Variants in KHDRBS2 observed in about 807,000 individuals in gnomAD.
The protein encoded by KHDRBS2 is KH RNA binding domain containing, signal transduction associated 2, also known as KH domain-containing, RNA-binding, signal transduction-associated protein 2.
A neutral mutation model predicts 44.3 loss-of-function variants in KHDRBS2; 26 were observed. The ratio of observed to expected loss-of-function variants is 0.59; its 90% CI spans 0.43 to 0.81. The LOEUF is 0.81. Ranked by LOEUF, KHDRBS2 falls within the 40% of genes least tolerant of loss-of-function variation. The pLI is 0.00. For synonymous variants in KHDRBS2, 194 were observed against 151.1 expected (o/e 1.28, Z -2.08); for missense variants, 476 against 433.1 (o/e 1.10, Z -0.88).
intron 6 of KHDRBS2, among the ~76,000 whole-genome samples, chr6:61,881,168 C>T (rs1393298057): frequency 6.6e-6 from 1 of 151,886 alleles, no homozygotes; most frequent in Non-Finnish European, 1.5e-5. Context: ...AACCTCAGAT[C>T]CACATGGGTG....
intron 3 of KHDRBS2, among the ~76,000 whole-genome samples, chr6:62,013,387 C>A (rs1400179341): frequency 6.6e-6 from 1 of 151,894 alleles, no homozygotes; most frequent in Non-Finnish European, 1.5e-5. Context: ...TTAAATGTAT[C>A]AATTAAAATT....
At chr6:62,064,185 T>C (rs371114269) in intron 2 of KHDRBS2, among the ~76,000 whole-genome samples, 3 of 112,648 alleles carry the variant, frequency 2.7e-5, no homozygotes, top group Non-Finnish European at 5.9e-5. Flanking sequence ...GAATCAATAT[T>C]GTGAAAATGG....
chr6:61,611,245 T>A, the KHDRBS2 span, among the ~76,000 whole-genome samples: 1 of 152,336 alleles, frequency 6.6e-6, no homozygotes, highest in South Asian at 2.1e-4. Flanking sequence ...TATAGTCATT[T>A]ACCAATCTGT....
At chr6:61,635,636 A>G in the KHDRBS2 span, among the ~76,000 whole-genome samples, 2 of 152,040 alleles carry the variant, frequency 1.3e-5, no homozygotes, top group African/African-American at 4.8e-5. Flanking sequence ...TAGGCTTTTT[A>G]ATAATTATTT....
chr6:62,106,591 C>G (rs536037075), intron 2 of KHDRBS2, among the ~76,000 whole-genome samples: 162 of 152,178 alleles, frequency 1.1e-3, no homozygotes, highest in Middle Eastern at 3.4e-3. Flanking sequence ...AGAGGGAATC[C>G]TCCCTAACTC....
the KHDRBS2 span, among the ~76,000 whole-genome samples, chr6:61,671,052 G>A: frequency 1.3e-5 from 2 of 151,616 alleles, no homozygotes; most frequent in African/African-American, 4.8e-5. Flanking sequence ...TGACATTACA[G>A]TAGTTGAAAA....
At chr6:62,014,531 G>C (rs1259618724) in intron 3 of KHDRBS2, among the ~76,000 whole-genome samples, 3 of 152,038 alleles carry the variant, frequency 2.0e-5, no homozygotes, top group Non-Finnish European at 4.4e-5. Flanking sequence ...TTTGAACACT[G>C]TATGACCCTA....
intron 2 of KHDRBS2, among the ~76,000 whole-genome samples, chr6:62,164,385 G>GA (rs1221556155): frequency 6.6e-6 from 1 of 151,400 alleles, no homozygotes; most frequent in Admixed American, 6.6e-5. Flanking sequence ...TCCATTCTAG[G>GA]AAAAAAAGCC....
In KHDRBS2 at chr6:61,984,277, G is replaced by A. The variant is rs569118417; in HGVS notation, c.337-6065C>T. ...CTATGCTTCAATCATTAATCTTTTT[G>A]TTTCCCTTTTACAGATATCATATTT... On this transcript the variant is annotated intron_variant, in intron 3 of 8. Transcript: ENST00000281156. Among the ~76,000 whole-genome samples, 4 of 152,136 alleles carry A rather than the reference G, an allele frequency of 2.6e-5. No homozygotes were observed. In the South Asian group the frequency reaches 8.3e-4, roughly 32 times the overall value.
chr6:61,608,813 C>A, the KHDRBS2 span, among the ~76,000 whole-genome samples: 1 of 152,116 alleles, frequency 6.6e-6, no homozygotes, highest in Non-Finnish European at 1.5e-5. Flanking sequence ...GTATATGTGC[C>A]ACATTTTCTT....
chr6:62,162,212 G>A (rs1478446156), intron 2 of KHDRBS2, among the ~76,000 whole-genome samples: 2 of 151,936 alleles, frequency 1.3e-5, no homozygotes, highest in Admixed American at 1.3e-4. Flanking sequence ...TTACTGTCTA[G>A]TGTCTTTTAA....
At chr6:61,916,140 T>A (rs1489407686) in intron 4 of KHDRBS2, among the ~76,000 whole-genome samples, 4 of 152,054 alleles carry the variant, frequency 2.6e-5, no homozygotes, top group Non-Finnish European at 5.9e-5. Context: ...CATCTGAGGC[T>A]TAGAATTCAG....
the KHDRBS2 span, among the ~76,000 whole-genome samples, chr6:61,592,347 G>T: frequency 6.6e-6 from 1 of 152,228 alleles, no homozygotes; most frequent in African/African-American, 2.4e-5. Flanking sequence ...GTAAAAATAA[G>T]GGCCTGAACC....
At chr6:61,923,323 A>G (rs1016822048) in intron 4 of KHDRBS2, among the ~76,000 whole-genome samples, 8 of 152,104 alleles carry the variant, frequency 5.3e-5, no homozygotes, top group African/African-American at 1.9e-4. Flanking sequence ...TGCAGATATT[A>G]AAAGTATAGT....
chr6:61,940,014 G>A (rs1432854763), intron 4 of KHDRBS2, among the ~76,000 whole-genome samples: 2 of 151,812 alleles, frequency 1.3e-5, no homozygotes, highest in Non-Finnish European at 2.9e-5. Flanking sequence ...TGCTCATGAT[G>A]ATATTAAGTA....
At chr6:61,945,136 T>TGTATATATATATAC (rs1813069429) in intron 4 of KHDRBS2, among the ~76,000 whole-genome samples, 2 of 102,746 alleles carry the variant, frequency 1.9e-5, no homozygotes, top group African/African-American at 7.2e-5. Context: ...TATATATATA[T>TGTATATATATATAC]ATATATATAT....
intron 4 of KHDRBS2, among the ~76,000 whole-genome samples, chr6:61,938,982 T>A (rs1348249405): frequency 6.6e-6 from 1 of 152,162 alleles, no homozygotes; most frequent in Non-Finnish European, 1.5e-5. Flanking sequence ...GTGGAGGCTA[T>A]TTGCCTCTTT....
chr6:62,014,322 A>T (rs762646726), intron 3 of KHDRBS2, among the ~76,000 whole-genome samples: 1 of 152,118 alleles, frequency 6.6e-6, no homozygotes, highest in African/African-American at 2.4e-5. Context: ...GTTCTGGAAG[A>T]TCTTGCTTTA....
At chr6:61,737,234 C>T (rs890175069) in intron 6 of KHDRBS2, among the ~76,000 whole-genome samples, 5 of 151,970 alleles carry the variant, frequency 3.3e-5, no homozygotes, top group African/African-American at 1.2e-4. Flanking sequence ...AAATGTTACA[C>T]AGAAAATCCC....
Sources: gnomAD v4.1 joint callset for allele counts (sites outside exome capture counted in the v4.1 genomes callset) on GRCh38, gnomAD v4.1.1 for gene constraint, MANE v1.5 for transcripts, NCBI Gene and HGNC (gene_info 2026-07-23, HGNC 2026-07-21) for gene names.